Variants in GNA15 observed in about 807,000 individuals in gnomAD.
GNA15 encodes guanine nucleotide-binding protein subunit alpha-15.
GNA15 carries 23 observed loss-of-function variants against 40.1 expected under a neutral mutation model. The ratio of observed to expected loss-of-function variants is 0.57; its 90% confidence interval spans 0.41 to 0.81. The LOEUF (loss-of-function observed/expected upper bound fraction) is 0.81, where lower values mean the gene tolerates loss of function less well. GNA15 is among the 40% of genes least tolerant of loss of function. The pLI is 0.00. For synonymous variants in GNA15, 226 were observed against 210.4 expected (o/e 1.07, Z -0.64); for missense variants, 522 against 515.8 (o/e 1.01, Z -0.12).
At chr19:3,153,327 AGATG>A (rs1400548124) in intron 4 of GNA15, among the ~76,000 whole-genome samples, 3 of 148,948 alleles carry the variant, frequency 2.0e-5, no homozygotes, top group Non-Finnish European at 4.5e-5. Context: ...ATAGATGAAT[AGATG>A]GATGGATAAG....
At chr19:3,139,813 A>C (rs554293375) in intron 1 of GNA15, among the ~76,000 whole-genome samples, 1 of 152,040 alleles carries the variant, frequency 6.6e-6, no homozygotes, top group African/African-American at 2.4e-5. Flanking sequence ...AGGAGGGTGG[A>C]TCACGAGGTC....
chr19:3,145,767 C>G (rs1461225942), intron 1 of GNA15, among the ~76,000 whole-genome samples: 1 of 149,652 alleles, frequency 6.7e-6, no homozygotes, highest in African/African-American at 2.5e-5. Flanking sequence ...AGGCTGGTCT[C>G]GAACTCCTGA....
At chr19:3,145,668 C>G (rs1333005434) in intron 1 of GNA15, among the ~76,000 whole-genome samples, 1 of 136,278 alleles carries the variant, frequency 7.3e-6, no homozygotes, top group Non-Finnish European at 1.6e-5. Context: ...CTGCCTCAGC[C>G]TCCCGAATAG....
In GNA15 at chr19:3,136,947, C is replaced by A. The variant is rs569175411; in HGVS notation, c.145+352C>A. On this transcript the variant is annotated intron_variant, in intron 1 of 6. Coordinates refer to ENST00000262958, the MANE Select transcript of GNA15 (RefSeq NM_002068.4). The surrounding 1 kb of genome is among the most constrained non-coding windows in gnomAD (Gnocchi z 4.9). Reference sequence around the variant, plus strand: ...GGGAATGATGAGCTCAGGTGTGCAACCCGTTCTGGCCAGCCCACCCGTAAG... The same window carrying A: ...GGGAATGATGAGCTCAGGTGTGCAAACCGTTCTGGCCAGCCCACCCGTAAG... Among the ~76,000 whole-genome samples the A allele has an allele frequency of 1.3e-5, 2 of 152,222 alleles. No individual in the cohort carries two copies. The highest frequency in any genetic ancestry group is 2.9e-5 in the Non-Finnish European group (2 of 68,038).
intron 4 of GNA15, among the ~76,000 whole-genome samples, chr19:3,154,025 T>C (rs1914943601): frequency 1.3e-5 from 2 of 151,064 alleles, no homozygotes; most frequent in African/African-American, 4.9e-5. Context: ...GATGGATGGA[T>C]GGGTGGATTG....
At position 3,151,446 on chromosome 19, in the gene GNA15, G is replaced by T. The variant is rs1229852032; in HGVS notation, c.486-261G>T. Among the ~76,000 whole-genome samples, 1 of 152,066 alleles carries T rather than the reference G, an allele frequency of 6.6e-6. No individual in the cohort carries two copies. Among genetic ancestry groups the T allele is most frequent in the African/African-American group, 2.4e-5 (1 of 41,386 alleles). On this transcript the variant is annotated intron_variant, in intron 3 of 6. Coordinates refer to ENST00000262958, the MANE Select transcript of GNA15 (RefSeq NM_002068.4). This position sits in a 1 kb window ranked among gnomAD's most constrained non-coding sequence, Gnocchi z 5.0. ...CCCCTGCCATAGCAGCTCTCCCGGG[G>T]GACACCACTCCTCGATGAGGCCATT... is the stretch of plus-strand genomic sequence containing the variant.
Position 3,136,467 on chromosome 19 carries a change from C to CATGGCG in GNA15, c.17_18insATGGCG (p.Trp7_Arg8dup). The CATGGCG allele has an allele frequency of 6.4e-7, 1 of 1,550,932 alleles. No homozygotes were observed. Among genetic ancestry groups the CATGGCG allele is most frequent in the African/African-American group, 1.4e-5 (1 of 73,248 alleles). On this transcript the variant is annotated inframe_insertion, in exon 1 of 7. Coordinates refer to ENST00000262958, the MANE Select transcript of GNA15 (RefSeq NM_002068.4). This position sits in a 1 kb window ranked among gnomAD's most constrained non-coding sequence, Gnocchi z 4.9. ...CACCGCACCATGGCCCGCTCGCTGA[C>CATGGCG]CTGGCGCTGCTGCCCCTGGTGCCTG...
chr19:3,144,870 C>A (rs1192155392), intron 1 of GNA15, among the ~76,000 whole-genome samples: 2 of 151,390 alleles, frequency 1.3e-5, no homozygotes, highest in African/African-American at 4.9e-5. Flanking sequence ...GCTCTGTCAC[C>A]CAGGTTGGAG....
chr19:3,157,964 C>G, intron 6 of GNA15, 83 bp downstream of exon 6: 1 of 1,098,566 alleles, frequency 9.1e-7, no homozygotes, highest in Non-Finnish European at 1.4e-6. Flanking sequence ...TCTACTTCAG[C>G]CTGGAGTCAC....
intron 3 of GNA15, 132 bp downstream of exon 3, chr19:3,150,417 G>T: frequency 3.8e-6 from 3 of 785,828 alleles, no homozygotes; most frequent in Admixed American, 2.9e-5. Context: ...CCAGGATGAG[G>T]TCCTTCCAGG....
rs200432733 is a variant in GNA15, at chr19:3,151,772, G to T, written c.551G>T (p.Arg184Leu). 6.2e-7 allele frequency: 1 copy of T among 1,612,614 alleles called. No individual in the cohort carries two copies. The highest frequency in any genetic ancestry group is 1.7e-5 in the Admixed American group (1 of 59,954). The change falls in exon 4 of 7, where the codon CGC (arginine) becomes CTC (leucine). Residue 184 changes from arginine to leucine, a missense_variant. Arg to Leu is a moderately radical substitution (Grantham distance 102). Transcript: ENST00000262958. This position sits in a 1 kb window ranked among gnomAD's most constrained non-coding sequence, Gnocchi z 5.0. ...GTCCCCACAGCTCAGGACGTGCTCCGCAGCCGCATGCCCACCACTGGCATC... is the reference window on the plus strand; with the variant it reads ...GTCCCCACAGCTCAGGACGTGCTCCTCAGCCGCATGCCCACCACTGGCATC... ...GYVPTAQDVL[R>L]SRMPTTGINE...
intron 1 of GNA15, chr19:3,142,073 C>G (rs1185399377): frequency 1.3e-5 from 2 of 152,380 alleles, no homozygotes; most frequent in Non-Finnish European, 2.9e-5. Flanking sequence ...ATAGCTGGCT[C>G]CAGTTGCCTT....
intron 1 of GNA15, among the ~76,000 whole-genome samples, chr19:3,146,884 C>T (rs1464753585): frequency 6.6e-6 from 1 of 152,270 alleles, no homozygotes; most frequent in Non-Finnish European, 1.5e-5. Flanking sequence ...CCACAAGGCC[C>T]AGCACAACCC....
In GNA15 at chr19:3,136,162, G is replaced by T. The variant is rs528074112; in HGVS notation, c.-289G>T. 38 of 272,176 alleles carry T rather than the reference G, an allele frequency of 1.4e-4. No individual in the cohort carries two copies. The highest frequency in any genetic ancestry group is 2.3e-4 in the African/African-American group (10 of 43,944). The allele number at this position is 272,176 out of a possible 1,614,324, so 16.9% of individuals were successfully genotyped here. On this transcript the variant is annotated 5_prime_UTR_variant, in exon 1 of 7. Coordinates refer to ENST00000262958, the MANE Select transcript of GNA15 (RefSeq NM_002068.4). This position sits in a 1 kb window ranked among gnomAD's most constrained non-coding sequence, Gnocchi z 4.9. ...TGGCACCCTTCACCGTCAACCTGTC[G>T]GGCCGGGTCTGAGCAGGTCTGGAGG...
In GNA15 at chr19:3,157,976, G is replaced by A. The variant is rs552633522; in HGVS notation, c.898+95G>A. ...GACTCTACTTCAGCCTGGAGTCACCGGAACTTTCACATAGGATCAGACCCG... is the reference window on the plus strand; with the variant it reads ...GACTCTACTTCAGCCTGGAGTCACCAGAACTTTCACATAGGATCAGACCCG... On this transcript the variant is annotated intron_variant, in intron 6 of 6. Coordinates refer to ENST00000262958, the MANE Select transcript of GNA15 (RefSeq NM_002068.4). 6.0e-5 allele frequency: 60 copies of A among 1,005,574 alleles called. 1 individual carries two copies. The highest frequency in any genetic ancestry group is 3.8e-4 in the South Asian group (27 of 71,322). 62.3% of individuals were successfully genotyped at this position (1,005,574 alleles called of 1,614,324 possible).
chr19:3,156,918 G>C (rs1413836584), intron 5 of GNA15, among the ~76,000 whole-genome samples: 1 of 152,134 alleles, frequency 6.6e-6, no homozygotes, highest in Non-Finnish European at 1.5e-5. Flanking sequence ...CACAAACTGA[G>C]GTTCTAGGGG....
In GNA15 at chr19:3,151,295, G is replaced by T. The variant is rs551848680; in HGVS notation, c.486-412G>T. Among the ~76,000 whole-genome samples the T allele has an allele frequency of 1.1e-4, 16 of 152,172 alleles. No homozygotes were observed. In the South Asian group the frequency reaches 3.3e-3, roughly 32 times the overall value. ...TTAGGGGGGACTCTGTTCCAGGGGA[G>T]ACCCTGTTCTGGGGGTGACCCTATT... On this transcript the variant is annotated intron_variant, in intron 3 of 6. Coordinates refer to ENST00000262958, the MANE Select transcript of GNA15 (RefSeq NM_002068.4). The surrounding 1 kb of genome is among the most constrained non-coding windows in gnomAD (Gnocchi z 5.0).
intron 1 of GNA15, chr19:3,142,451 A>G (rs1914598281): frequency 6.6e-6 from 1 of 151,736 alleles, no homozygotes; most frequent in South Asian, 2.1e-4. Flanking sequence ...GCAGAAGAGG[A>G]AAAAAAAATC....
intron 2 of GNA15, 99 bp downstream of exon 2, chr19:3,148,874 A>G (rs1452072980): frequency 1.8e-6 from 2 of 1,118,448 alleles, no homozygotes; most frequent in African/African-American, 3.1e-5. Flanking sequence ...ACTTCAGGGC[A>G]GGGCAGGGCA....
Sources: allele counts gnomAD v4.1 joint callset (sites outside exome capture counted in the v4.1 genomes callset), GRCh38; gene constraint gnomAD v4.1.1; non-coding constraint Gnocchi (gnomAD v3.1); transcripts MANE v1.5; gene names NCBI Gene and HGNC (gene_info 2026-07-23, HGNC 2026-07-21).